The following PINX1 variants were observed in gnomAD, a reference collection of about 807,000 sequenced individuals.
PINX1 encodes PIN2 (TERF1) interacting telomerase inhibitor 1.
In PINX1, 34 loss-of-function variants were observed where a neutral mutation model predicts 25.4. The ratio of observed to expected loss-of-function variants is 1.34; its 90% CI spans 1.02 to 1.78. The LOEUF (loss-of-function observed/expected upper bound fraction) is 1.78. PINX1 is among the 40% of genes most tolerant of loss of function. The pLI, the probability that PINX1 is intolerant of heterozygous loss-of-function variation, is 0.00. For missense variants in PINX1, 592 were observed against 404.9 expected (o/e 1.46, Z -3.97); for synonymous variants, 197 against 147.7 (o/e 1.33, Z -2.42).
intron 5 of PINX1, chr8:10,821,861 G>A (rs1217221197): frequency 1.3e-5 from 2 of 152,246 alleles, no homozygotes; most frequent in Non-Finnish European, 1.5e-5. Flanking sequence ...AGGAATGCTG[G>A]AGGGATTAAG....
chr8:10,834,459 A>C, intron 2 of PINX1: 1 of 683,774 alleles, frequency 1.5e-6, no homozygotes, highest in Non-Finnish European at 2.3e-6. Context: ...GAAAGATGCT[A>C]AGCATGGCAG....
chr8:10,835,593 G>T (rs574883047), intron 1 of PINX1, among the ~76,000 whole-genome samples: 1 of 152,096 alleles, frequency 6.6e-6, no homozygotes, highest in African/African-American at 2.4e-5. Flanking sequence ...AACATCCACT[G>T]TATTAGGGCT....
chr8:10,817,813 C>T (rs1170116450), intron 6 of PINX1, among the ~76,000 whole-genome samples: 1 of 152,214 alleles, frequency 6.6e-6, no homozygotes, highest in African/African-American at 2.4e-5. Flanking sequence ...CTCAGGGTTA[C>T]TCACGACCCG....
At chr8:10,780,280 C>T (rs1801543566) in intron 6 of PINX1, among the ~76,000 whole-genome samples, 1 of 152,100 alleles carries the variant, frequency 6.6e-6, no homozygotes, top group African/African-American at 2.4e-5. Context: ...AATGGACATC[C>T]CTGTCTTGTA....
intron 5 of PINX1, among the ~76,000 whole-genome samples, chr8:10,824,640 T>C (rs1235424254): frequency 6.6e-6 from 1 of 152,162 alleles, no homozygotes; most frequent in African/African-American, 2.4e-5. Flanking sequence ...TTAAAGCAGA[T>C]TACAGAGGCT....
chr8:10,780,160 A>G (rs537538706), intron 6 of PINX1, among the ~76,000 whole-genome samples: 1 of 152,312 alleles, frequency 6.6e-6, no homozygotes, highest in African/African-American at 2.4e-5. Flanking sequence ...GTCATCTGCA[A>G]ACGAGATAAT....
At chr8:10,784,527 A>T (rs988793897) in intron 6 of PINX1, among the ~76,000 whole-genome samples, 1 of 152,224 alleles carries the variant, frequency 6.6e-6, no homozygotes, top group African/African-American at 2.4e-5. Flanking sequence ...TGCTGACATG[A>T]AATGTTCAGA....
At chr8:10,839,025 C>A (rs1360267771) in intron 1 of PINX1, among the ~76,000 whole-genome samples, 1 of 152,188 alleles carries the variant, frequency 6.6e-6, no homozygotes, top group South Asian at 2.1e-4. Flanking sequence ...CCAAGCAGGA[C>A]CCGCTTTTCA....
At chr8:10,819,140 G>C (rs1586191981) in intron 6 of PINX1, among the ~76,000 whole-genome samples, 1 of 152,212 alleles carries the variant, frequency 6.6e-6, no homozygotes, top group East Asian at 1.9e-4. Flanking sequence ...GCTTCCATCT[G>C]CTGAGGGTGC....
chr8:10,766,059 G>C (rs1586121396), intron 6 of PINX1, 143 bp from the exon 7 acceptor site: 4 of 764,192 alleles, frequency 5.2e-6, no homozygotes, highest in East Asian at 4.9e-5. Context: ...GCACTTAGGA[G>C]ACAAGGCTGA....
chr8:10,813,331 A>C (rs1241242574), intron 6 of PINX1, among the ~76,000 whole-genome samples: 1 of 152,220 alleles, frequency 6.6e-6, no homozygotes, highest in Non-Finnish European at 1.5e-5. Context: ...GTGAAAATTC[A>C]GAAAAGGAGA....
intron 6 of PINX1, among the ~76,000 whole-genome samples, chr8:10,777,662 A>G (rs149581753): frequency 2.6e-3 from 403 of 152,280 alleles, no homozygotes; most frequent in African/African-American, 9.3e-3. Context: ...TCCCCCCAAA[A>G]TTGCCTTTTT....
At chr8:10,779,308 G>A (rs912834431) in intron 6 of PINX1, among the ~76,000 whole-genome samples, 2 of 152,146 alleles carry the variant, frequency 1.3e-5, no homozygotes, top group Non-Finnish European at 2.9e-5. Context: ...ATAAAATAAC[G>A]AAGTGAATAA....
intron 6 of PINX1, among the ~76,000 whole-genome samples, chr8:10,767,664 A>G (rs1236368021): frequency 6.6e-6 from 1 of 152,252 alleles, no homozygotes; most frequent in African/African-American, 2.4e-5. Context: ...TCCCGGCACG[A>G]GCCAATCCCA....
At chr8:10,783,091 C>G (rs564540529) in intron 6 of PINX1, among the ~76,000 whole-genome samples, 1 of 152,208 alleles carries the variant, frequency 6.6e-6, no homozygotes, top group South Asian at 2.1e-4. Context: ...GATATATCAA[C>G]CAATTGTTAC....
intron 6 of PINX1, among the ~76,000 whole-genome samples, chr8:10,783,487 G>A (rs1801656248): frequency 1.3e-5 from 2 of 152,140 alleles, no homozygotes; most frequent in South Asian, 4.1e-4. Context: ...CTCTGAACCT[G>A]CCAGTTGCTG....
intron 6 of PINX1, among the ~76,000 whole-genome samples, chr8:10,790,042 G>A (rs555940224): frequency 4.4e-4 from 67 of 152,264 alleles, no homozygotes; most frequent in Middle Eastern, 3.4e-3. Context: ...ACAGCCAAGC[G>A]GCAGGTCCTG....
At chr8:10,839,336 TAC>T (rs1798498874) in intron 1 of PINX1, among the ~76,000 whole-genome samples, 1 of 152,198 alleles carries the variant, frequency 6.6e-6, no homozygotes, top group African/African-American at 2.4e-5. Context: ...ACAATGTGAT[TAC>T]AGTTTCAAGT....
chr8:10,806,445 A>G (rs1362639421), intron 6 of PINX1, among the ~76,000 whole-genome samples: 1 of 152,218 alleles, frequency 6.6e-6, no homozygotes, highest in Non-Finnish European at 1.5e-5. Flanking sequence ...GAATGATGCC[A>G]GGTCTAAGAT....
Sources: allele counts gnomAD v4.1 joint callset (sites outside exome capture counted in the v4.1 genomes callset), GRCh38; gene constraint gnomAD v4.1.1; transcripts MANE v1.5; gene names NCBI Gene and HGNC (gene_info 2026-07-23, HGNC 2026-07-21).